The following COL21A1 variants were observed in gnomAD, a reference collection of about 807,000 sequenced individuals.
COL21A1 encodes collagen type XXI alpha 1 chain.
COL21A1 carries 149 observed loss-of-function variants against 137.9 expected under a neutral mutation model. The observed-to-expected ratio is 1.08, with a 90% CI of 0.95 to 1.24. The LOEUF is 1.24. Among genes scored for constraint, COL21A1 ranks in the 50% most tolerant of loss-of-function variants. COL21A1 has a pLI of 0.00. For missense variants in COL21A1, 1,167 were observed against 1,158.4 expected (o/e 1.01, Z -0.11); for synonymous variants, 456 against 391.5 (o/e 1.16, Z -1.95).
chr6:56,098,624 T>A lies in COL21A1; in HGVS notation c.1812+2848A>T, dbSNP rs868057139. The stretch of plus-strand genomic sequence containing the variant: ...ATATATAAATATATATAAATATATA[T>A]AAATATATATATAAATATATATAAA... On this transcript the variant is annotated intron_variant, in intron 17 of 29. Transcript: ENST00000244728. Among the ~76,000 whole-genome samples the A allele has an allele frequency of 7.1e-4, 17 of 24,104 alleles. 2 individuals carry two copies. The highest frequency in any genetic ancestry group is 4.8e-3 in the Admixed American group (8 of 1,684). The allele number at this position is 24,104 out of a possible 152,430, so 15.8% of individuals were successfully genotyped here.
At chr6:56,231,309 C>T (rs16887702) in intron 1 of COL21A1, among the ~76,000 whole-genome samples, 2,182 of 151,958 alleles carry the variant, frequency 0.014, 29 homozygotes, top group Middle Eastern at 0.037. Context: ...GATAAACATC[C>T]TGCATTTGTT....
At chr6:56,393,586 C>T (rs150201033) in intron 1 of COL21A1, among the ~76,000 whole-genome samples, 6 of 152,288 alleles carry the variant, frequency 3.9e-5, no homozygotes, top group Non-Finnish European at 5.9e-5. Flanking sequence ...TGTTAGCATG[C>T]GTCTCCCACT....
intron 1 of COL21A1, among the ~76,000 whole-genome samples, chr6:56,268,006 C>T (rs535063588): frequency 2.0e-5 from 3 of 152,126 alleles, no homozygotes; most frequent in Non-Finnish European, 4.4e-5. Context: ...ACTTTGGATC[C>T]CCCAGCACAA....
At chr6:56,265,188 G>A (rs1406674019) in intron 1 of COL21A1, among the ~76,000 whole-genome samples, 1 of 152,196 alleles carries the variant, frequency 6.6e-6, no homozygotes, top group East Asian at 1.9e-4. Context: ...AAGACTGTGT[G>A]AGTTTGCCAT....
chr6:56,191,429 CAAA>C (rs70986782), intron 1 of COL21A1, among the ~76,000 whole-genome samples: 21 of 133,232 alleles, frequency 1.6e-4, no homozygotes, highest in South Asian at 2.4e-4. Flanking sequence ...ACTAAAAATA[CAAA>C]AAAAAAAAAA....
intron 3 of COL21A1, among the ~76,000 whole-genome samples, chr6:56,175,466 C>T (rs1261444682): frequency 6.6e-6 from 1 of 151,832 alleles, no homozygotes; most frequent in Admixed American, 6.6e-5. Context: ...ACAAATTCAA[C>T]ATATAAAAAT....
intron 14 of COL21A1, among the ~76,000 whole-genome samples, chr6:56,125,099 C>G (rs1772929455): frequency 7.2e-6 from 1 of 138,510 alleles, no homozygotes; most frequent in African/African-American, 2.7e-5. Context: ...TGGCTCTCTG[C>G]AACCTCCGCC....
intron 24 of COL21A1, 91 bp downstream of exon 24, chr6:56,064,487 C>A: frequency 2.4e-6 from 2 of 846,630 alleles, no homozygotes; most frequent in Non-Finnish European, 3.9e-6. Context: ...CTTCTCCCCA[C>A]CCATTTTTAT....
At chr6:56,077,737 TTAGGAGATATAGCATTA>T in intron 17 of COL21A1, 164 bp from the exon 18 acceptor site, 1 of 549,240 alleles carries the variant, frequency 1.8e-6, no homozygotes, top group Non-Finnish European at 3.2e-6. Context: ...AAAAGACAAC[TTAGGAGATATAGCATTA>T]TATGAATATT....
chr6:56,159,844 G>A (rs2152262753), intron 9 of COL21A1, among the ~76,000 whole-genome samples: 1 of 151,882 alleles, frequency 6.6e-6, no homozygotes, highest in East Asian at 1.9e-4. Context: ...CACGGAAAAG[G>A]GACTTGTGCT....
chr6:56,156,242 G>C (rs1248842342), intron 10 of COL21A1, among the ~76,000 whole-genome samples: 1 of 152,152 alleles, frequency 6.6e-6, no homozygotes, highest in Non-Finnish European at 1.5e-5. Flanking sequence ...TTTGAAGTAA[G>C]ATAACTAAAA....
At chr6:56,215,193 T>G (rs1193759445) in intron 1 of COL21A1, among the ~76,000 whole-genome samples, 1 of 152,082 alleles carries the variant, frequency 6.6e-6, no homozygotes, top group Non-Finnish European at 1.5e-5. Flanking sequence ...AAGTCTTCAT[T>G]TGATTCCGTC....
chr6:56,257,844 T>C (rs1763142956), intron 1 of COL21A1, among the ~76,000 whole-genome samples: 1 of 152,102 alleles, frequency 6.6e-6, no homozygotes, highest in Non-Finnish European at 1.5e-5. Flanking sequence ...CAAAAACAGG[T>C]GGCCGGTCAG....
chr6:56,178,582 T>C (rs1313521447), intron 3 of COL21A1, among the ~76,000 whole-genome samples: 1 of 152,110 alleles, frequency 6.6e-6, no homozygotes, highest in Non-Finnish European at 1.5e-5. Flanking sequence ...GTAGACAAAC[T>C]AATATTCACT....
At chr6:56,170,910 G>A in intron 4 of COL21A1, 45 bp from the exon 5 acceptor site, 10 of 1,594,812 alleles carry the variant, frequency 6.3e-6, no homozygotes, top group East Asian at 2.2e-5. Flanking sequence ...TTCTTGACAT[G>A]TCCACAGACA....
chr6:56,162,778 G>T (rs1776286664), intron 9 of COL21A1, among the ~76,000 whole-genome samples: 1 of 152,180 alleles, frequency 6.6e-6, no homozygotes, highest in African/African-American at 2.4e-5. Context: ...ATTTTTAAAA[G>T]AATCTACTGG....
intron 16 of COL21A1, among the ~76,000 whole-genome samples, chr6:56,110,620 A>G (rs1274161545): frequency 6.6e-6 from 1 of 152,048 alleles, no homozygotes; most frequent in African/African-American, 2.4e-5. Flanking sequence ...TGCAGGAACT[A>G]ATAAGTGAAT....
chr6:56,074,170 A>G lies in COL21A1; in HGVS notation c.1965+62T>C, dbSNP rs111899781. The G allele has an allele frequency of 6.1e-4, 732 of 1,192,612 alleles. 5 individuals are homozygous for G. In the African/African-American group the frequency reaches 0.01, roughly 17 times the overall value. 73.9% of individuals were successfully genotyped at this position (1,192,612 alleles called of 1,614,324 possible). ...AAGGTAGTAGTAAAATTTTCATCAA[A>G]GTTATAAATGGCCACTGTGATTATA... On this transcript the variant is annotated intron_variant, in intron 20 of 29. Coordinates refer to ENST00000244728, the MANE Select transcript of COL21A1 (RefSeq NM_030820.4).
intron 17 of COL21A1, among the ~76,000 whole-genome samples, chr6:56,098,884 T>C (rs1435349595): frequency 3.4e-5 from 5 of 148,100 alleles, no homozygotes; most frequent in African/African-American, 1.0e-4. Context: ...CCCTGCTAAT[T>C]TTTTGTATTT....
Sources: allele counts gnomAD v4.1 joint callset (sites outside exome capture counted in the v4.1 genomes callset), GRCh38; gene constraint gnomAD v4.1.1; transcripts MANE v1.5; gene names NCBI Gene and HGNC (gene_info 2026-07-23, HGNC 2026-07-21).